FAXDC2: variants seen among roughly 807,000 people sequenced by gnomAD.
FAXDC2 encodes fatty acid hydroxylase domain containing 2, also known as fatty acid hydroxylase domain-containing protein 2.
A neutral mutation model predicts 40.9 loss-of-function variants in FAXDC2; 41 were observed. That is an observed-to-expected ratio of 1.00 (90% CI 0.78 to 1.30). The LOEUF is 1.30. FAXDC2 is among the 50% of genes most tolerant of loss of function. The probability of loss-of-function intolerance (pLI) is 0.00; values close to 1 mark genes in which losing one functional copy is unlikely to be tolerated. For missense variants in FAXDC2, 390 were observed against 408.8 expected (o/e 0.95, Z 0.40); for synonymous variants, 157 against 149.3 (o/e 1.05, Z -0.38).
At chr5:154,838,478 G>A (rs943319443) in intron 1 of FAXDC2, 27 of 358,640 alleles carry the variant, frequency 7.5e-5, no homozygotes, top group Non-Finnish European at 1.3e-4. Context: ...GTCCCACTAC[G>A]TTGCCCAGGC....
rs547516082 is a variant in FAXDC2, at chr5:154,824,778, A to G, written c.367-1186T>C. The G allele has an allele frequency of 1.9e-4, 100 of 537,752 alleles. 1 individual carries two copies. The South Asian group carries it at 2.3e-3, about 12-fold the overall frequency. 33.3% of individuals were successfully genotyped at this position (537,752 alleles called of 1,614,324 possible). On this transcript the variant is annotated intron_variant, in intron 5 of 8. Transcript: ENST00000326080. ...TGTTCCAGTGAGAAAGGTAGACTAG[A>G]CACAACAAATATAAAAACATATATA... is the stretch of plus-strand genomic sequence containing the variant.
intron 1 of FAXDC2, among the ~76,000 whole-genome samples, chr5:154,845,685 A>C (rs1760582759): frequency 6.6e-6 from 1 of 152,088 alleles, no homozygotes; most frequent in Non-Finnish European, 1.5e-5. Context: ...AAAAAAAACA[A>C]ACTGGAAGTT....
chr5:154,818,764 C>T lies in FAXDC2; in HGVS notation c.*1552G>A, dbSNP rs1398082266. ...CGTATCTGTTCTTTCTCCTTATCTC[C>T]TACCCTTCTCTTTAAGCATATTGAA... On this transcript the variant is annotated 3_prime_UTR_variant, in exon 9 of 9. Transcript: ENST00000326080. 6.6e-6 allele frequency: 1 copy of T among 152,260 alleles called. No homozygotes were observed. The highest frequency in any genetic ancestry group is 2.4e-5 in the African/African-American group (1 of 41,458). 9.4% of individuals were successfully genotyped at this position (152,260 alleles called of 1,614,324 possible). A position where few individuals can be genotyped will look rare whatever the true frequency, so the allele number is the denominator to read the frequency against.
At chr5:154,848,143 G>A (rs1760648457) in intron 1 of FAXDC2, among the ~76,000 whole-genome samples, 1 of 152,014 alleles carries the variant, frequency 6.6e-6, no homozygotes, top group Non-Finnish European at 1.5e-5. Context: ...CCGGCCTACT[G>A]AATGTTCCTA....
intron 1 of FAXDC2, among the ~76,000 whole-genome samples, chr5:154,849,688 T>C (rs1391856354): frequency 6.6e-6 from 1 of 152,214 alleles, no homozygotes; most frequent in Non-Finnish European, 1.5e-5. Flanking sequence ...GCAAATTGAA[T>C]TGAATCTGTA....
chr5:154,850,081 T>G (rs1760693748), intron 1 of FAXDC2, among the ~76,000 whole-genome samples: 1 of 152,250 alleles, frequency 6.6e-6, no homozygotes, highest in African/African-American at 2.4e-5. Flanking sequence ...CAGCAGTTGC[T>G]TCCCAACAGT....
At position 154,819,375 on chromosome 5, in the gene FAXDC2, G is replaced by A. The variant is rs1005890274; in HGVS notation, c.*941C>T. On this transcript the variant is annotated 3_prime_UTR_variant, in exon 9 of 9. Transcript: ENST00000326080. The stretch of plus-strand genomic sequence containing the variant: ...TTGCTGAGAAACTGGTAAAGCATTC[G>A]GGGGAGAAAGGATTTTGCTCTTTGC... The A allele has an allele frequency of 3.3e-5, 5 of 152,050 alleles. No individual in the cohort carries two copies. Among genetic ancestry groups the A allele is most frequent in the Admixed American group, 3.3e-4 (5 of 15,256 alleles). The allele number at this position is 152,050 out of a possible 1,614,324, so 9.4% of individuals were successfully genotyped here.
chr5:154,847,890 A>T (rs1381026115), intron 1 of FAXDC2, among the ~76,000 whole-genome samples: 2 of 150,452 alleles, frequency 1.3e-5, no homozygotes, highest in East Asian at 3.9e-4. Flanking sequence ...CCCAGGCTGG[A>T]GTGCAGTGGC....
chr5:154,828,604 T>C (rs1434464372), intron 5 of FAXDC2, among the ~76,000 whole-genome samples: 1 of 150,942 alleles, frequency 6.6e-6, no homozygotes, highest in Non-Finnish European at 1.5e-5. Context: ...TTTGTTTTTT[T>C]TTTCCCCCTA....
At chr5:154,830,042 G>A (rs1760149239) in intron 5 of FAXDC2, among the ~76,000 whole-genome samples, 1 of 152,186 alleles carries the variant, frequency 6.6e-6, no homozygotes, top group African/African-American at 2.4e-5. Context: ...AAGGACCTGA[G>A]AGCTGAGGTG....
chr5:154,825,882 C>T (rs1442112741), intron 5 of FAXDC2, among the ~76,000 whole-genome samples: 1 of 151,950 alleles, frequency 6.6e-6, no homozygotes, highest in Non-Finnish European at 1.5e-5. Flanking sequence ...TTGGAATTGC[C>T]ATCCACTCAG....
chr5:154,842,512 GTTTTTTTTTTTTTTTTTT>G (rs772426610), intron 1 of FAXDC2, among the ~76,000 whole-genome samples: 3 of 51,586 alleles, frequency 5.8e-5, no homozygotes, highest in African/African-American at 2.3e-4. Flanking sequence ...CCCTTTGTGT[GTTTTTTTTTTTTTTTTTT>G]TTTTTTTTTT....
At chr5:154,842,512 GTTTTTTTTTT>G (rs772426610) in intron 1 of FAXDC2, among the ~76,000 whole-genome samples, 5 of 51,618 alleles carry the variant, frequency 9.7e-5, no homozygotes, top group African/African-American at 1.5e-4. Context: ...CCCTTTGTGT[GTTTTTTTTTT>G]TTTTTTTTTT....
intron 5 of FAXDC2, among the ~76,000 whole-genome samples, chr5:154,825,668 A>G (rs1287529593): frequency 2.1e-5 from 3 of 143,350 alleles, no homozygotes; most frequent in African/African-American, 7.9e-5. Flanking sequence ...AAAAAAAAAA[A>G]GCAGTAATAT....
intron 1 of FAXDC2, among the ~76,000 whole-genome samples, chr5:154,848,478 C>T (rs1030043657): frequency 3.3e-5 from 5 of 152,200 alleles, no homozygotes; most frequent in Admixed American, 6.5e-5. Flanking sequence ...ACTCCCCTTA[C>T]TTCAGCCTCT....
At position 154,831,065 on chromosome 5, in the gene FAXDC2, G is replaced by A. The variant is rs1760176611; in HGVS notation, c.245-143C>T. 8 of 870,364 alleles carry A rather than the reference G, an allele frequency of 9.2e-6. No homozygotes were observed. In the East Asian group the frequency reaches 2.1e-4, roughly 22 times the overall value. The allele number at this position is 870,364 out of a possible 1,614,324, so 53.9% of individuals were successfully genotyped here. On this transcript the variant is annotated intron_variant, in intron 4 of 8. Transcript: ENST00000326080. Reference sequence around the variant, plus strand: ...AGGTCTTAGGGCTTGGGACCAAGGGGTTACCTGTAGTCTTGGGTAGGAACT... The same window carrying A: ...AGGTCTTAGGGCTTGGGACCAAGGGATTACCTGTAGTCTTGGGTAGGAACT...
intron 5 of FAXDC2, among the ~76,000 whole-genome samples, chr5:154,826,540 A>G (rs1760042017): frequency 6.6e-6 from 1 of 151,806 alleles, no homozygotes; most frequent in Non-Finnish European, 1.5e-5. Context: ...AAAAAAAAAA[A>G]AAAAAAGAAA....
chr5:154,842,830 CTTTT>C (rs984871975), intron 1 of FAXDC2, among the ~76,000 whole-genome samples: 1 of 147,996 alleles, frequency 6.8e-6, no homozygotes, highest in African/African-American at 2.5e-5. Context: ...GCACCCGGCC[CTTTT>C]TTTTTAAAAA....
chr5:154,834,740 A>G lies in FAXDC2; in HGVS notation c.141-12T>C, dbSNP rs1561657238. Reference sequence around the variant, plus strand: ...ATCTCTGAAGATGCCTTGGAAAAAAAACCAGGTTTCTGGGTGAAGACTAGT... The same window carrying G: ...ATCTCTGAAGATGCCTTGGAAAAAAGACCAGGTTTCTGGGTGAAGACTAGT... On this transcript the variant is annotated splice_polypyrimidine_tract_variant and intron_variant, in intron 3 of 8. Transcript: ENST00000326080. 6.2e-6 allele frequency: 10 copies of G among 1,613,504 alleles called. No individual in the cohort carries two copies. The highest frequency in any genetic ancestry group is 6.8e-6 in the Non-Finnish European group (8 of 1,179,600).
Sources: allele counts gnomAD v4.1 joint callset (sites outside exome capture counted in the v4.1 genomes callset), GRCh38; gene constraint gnomAD v4.1.1; transcripts MANE v1.5; gene names NCBI Gene and HGNC (gene_info 2026-07-23, HGNC 2026-07-21).